LAMB1: variants seen among roughly 807,000 people sequenced by gnomAD.
The protein encoded by LAMB1 is laminin subunit beta-1.
In LAMB1, 121 loss-of-function variants were observed where a neutral mutation model predicts 222.3. The ratio of observed to expected loss-of-function variants is 0.54; its 90% CI spans 0.47 to 0.63. The LOEUF (loss-of-function observed/expected upper bound fraction) is 0.63, where lower values mean the gene tolerates loss of function less well. LAMB1 is among the 30% of genes least tolerant of loss of function. The pLI, the probability that LAMB1 is intolerant of heterozygous loss-of-function variation, is 0.00. For synonymous variants in LAMB1, 794 were observed against 807.2 expected (o/e 0.98, Z 0.28); for missense variants, 2,172 against 2,240.8 (o/e 0.97, Z 0.62).
intron 13 of LAMB1, among the ~76,000 whole-genome samples, chr7:107,970,243 T>C (rs902408146): frequency 2.0e-5 from 3 of 152,190 alleles, no homozygotes; most frequent in Non-Finnish European, 2.9e-5. Flanking sequence ...TCCCAGCACA[T>C]TGGGAGCCTG....
rs539679523 is a variant in LAMB1 at position 108,002,990 on chromosome 7, G to A, written c.-86-19C>T. The A allele has an allele frequency of 1.9e-6, 3 of 1,565,970 alleles. No individual in the cohort carries two copies. The South Asian group carries it at 3.6e-5, about 19-fold the overall frequency. ...TTCCTTTCTGGAGAGGTGGAAAGGA[G>A]GGGAAAAAAGGCAAATGTTCAAAGA... On this transcript the variant is annotated intron_variant, in intron 1 of 33. Transcript: ENST00000222399.
intron 5 of LAMB1, among the ~76,000 whole-genome samples, chr7:107,991,122 G>C (rs773086192): frequency 6.6e-6 from 1 of 151,736 alleles, no homozygotes; most frequent in African/African-American, 2.4e-5. Context: ...TTTAAGACTG[G>C]CATAAACAAA....
At chr7:107,942,849 A>G (rs903424115) in intron 24 of LAMB1, 4 of 152,226 alleles carry the variant, frequency 2.6e-5, no homozygotes, top group Admixed American at 2.0e-4. Flanking sequence ...GTTTATTTAT[A>G]TGTATTTGCC....
intron 14 of LAMB1, among the ~76,000 whole-genome samples, chr7:107,963,817 C>G (rs147081390): frequency 6.6e-6 from 1 of 152,174 alleles, no homozygotes; most frequent in South Asian, 2.1e-4. Context: ...ATCTCACTAT[C>G]GCCAGGCACA....
At position 107,973,505 on chromosome 7, in the gene LAMB1, G is replaced by A. The variant is rs145743005; in HGVS notation, c.1483-434C>T. On this transcript the variant is annotated intron_variant, in intron 12 of 33. Coordinates refer to ENST00000222399, the MANE Select transcript of LAMB1 (RefSeq NM_002291.3). ...AATTTATGTGGAAATGTAGCATACA[G>A]CTACGACTATTCTCACCACTGAGCC... is the stretch of plus-strand genomic sequence containing the variant. Among the ~76,000 whole-genome samples, 35 of 152,246 alleles carry A rather than the reference G, an allele frequency of 2.3e-4. No homozygotes were observed. The East Asian group carries it at 6.6e-3, about 29-fold the overall frequency.
intron 10 of LAMB1, 134 bp downstream of exon 10, chr7:107,975,555 A>G: frequency 8.2e-7 from 1 of 1,224,868 alleles, no homozygotes; most frequent in South Asian, 1.5e-5. Flanking sequence ...TTCCACTCCC[A>G]GCGTCTTCAA....
chr7:107,939,966 C>T (rs532547911), intron 25 of LAMB1, 23 bp downstream of exon 25: 1 of 1,602,854 alleles, frequency 6.2e-7, no homozygotes, highest in South Asian at 1.1e-5. Context: ...ATGAGTAATT[C>T]CTCTGGCTCA....
At chr7:107,989,865 C>T (rs956568388) in intron 5 of LAMB1, among the ~76,000 whole-genome samples, 1 of 152,170 alleles carries the variant, frequency 6.6e-6, no homozygotes, top group Non-Finnish European at 1.5e-5. Flanking sequence ...CATCCAATTT[C>T]CCGTGGAGTT....
intron 7 of LAMB1, among the ~76,000 whole-genome samples, chr7:107,983,547 CTTTTTT>C (rs11458116): frequency 2.7e-5 from 3 of 111,142 alleles, no homozygotes; most frequent in South Asian, 3.1e-4. Context: ...CTCCAAAGCC[CTTTTTT>C]TTTTTTTTTT....
intron 5 of LAMB1, 118 bp from the exon 6 acceptor site, chr7:107,986,481 G>C: frequency 1.3e-6 from 1 of 758,966 alleles, no homozygotes; most frequent in Non-Finnish European, 2.1e-6. Flanking sequence ...CATATGGTTT[G>C]TATTTCAGAC....
chr7:107,940,516 C>G, intron 24 of LAMB1, 158 bp from the exon 25 acceptor site: 3 of 688,628 alleles, frequency 4.4e-6, no homozygotes, highest in Non-Finnish European at 4.8e-6. Context: ...GCAGCTTCCT[C>G]TAGCACATGC....
intron 9 of LAMB1, 102 bp downstream of exon 9, chr7:107,977,945 T>C (rs530495610): frequency 1.2e-5 from 16 of 1,367,168 alleles, no homozygotes; most frequent in Non-Finnish European, 1.0e-5. Context: ...GACAGTAACT[T>C]TTCTACCCTC....
chr7:107,927,240 A>G (rs1386121347), intron 31 of LAMB1, among the ~76,000 whole-genome samples: 6 of 152,240 alleles, frequency 3.9e-5, no homozygotes, highest in African/African-American at 1.4e-4. Flanking sequence ...TATAATTCTT[A>G]GAAGATAAAG....
rs1007895417 is a variant in LAMB1, at chr7:107,985,441, A to T, written c.676+581T>A. 2.6e-5 allele frequency among the ~76,000 whole-genome samples: 4 copies of T among 151,768 alleles called. 1 individual carries two copies. The highest frequency in any genetic ancestry group is 6.6e-5 in the Admixed American group (1 of 15,244). ...GAGTTCGAGACCCAGCCTGGCCAAC[A>T]TGGTGAAAACCCGTCTCTACTAAAA... is the stretch of plus-strand genomic sequence containing the variant. On this transcript the variant is annotated intron_variant, in intron 7 of 33. Transcript: ENST00000222399.
At chr7:107,970,481 T>C (rs2033724455) in intron 13 of LAMB1, among the ~76,000 whole-genome samples, 1 of 92,160 alleles carries the variant, frequency 1.1e-5, no homozygotes, top group African/African-American at 4.9e-5. Context: ...AAAGCGAAAC[T>C]CTGTCTCAAA....
chr7:108,001,923 A>T lies in LAMB1; in HGVS notation c.38-190T>A, dbSNP rs2034395739. ...CTGGGAAGGCAGGGACTCCGAAAGG[A>T]GAAGGACACGGAAAGAAACCCACAC... is the stretch of plus-strand genomic sequence containing the variant. On this transcript the variant is annotated intron_variant, in intron 2 of 33. Transcript: ENST00000222399. 5 of 1,459,238 alleles carry T rather than the reference A, an allele frequency of 3.4e-6. No individual in the cohort carries two copies. In the South Asian group the frequency reaches 4.3e-5, roughly 13 times the overall value. 90.4% of individuals were successfully genotyped at this position (1,459,238 alleles called of 1,614,324 possible).
rs755817510 is a variant in LAMB1 at position 107,964,585 on chromosome 7, G to C, written c.1665C>G (p.Tyr555Ter). ...AGTTGGCTTCCTCCGCTTCATAGAGGTAGTGATCCAGGGTGGCAAAGTAGT... is the reference window on the plus strand; with the variant it reads ...AGTTGGCTTCCTCCGCTTCATAGAGCTAGTGATCCAGGGTGGCAAAGTAGT... ...PGYYFATLDH[Y>*]LYEAEEANLG... The change falls in exon 14 of 34, where the codon TAC becomes TAG. Residue 555 changes from tyrosine (Y) to a stop codon, truncating the protein, a stop_gained. Transcript: ENST00000222399. LOFTEE classifies it high-confidence loss of function. 1 of 1,614,166 alleles carries C rather than the reference G, an allele frequency of 6.2e-7. No homozygotes were observed. The highest frequency in any genetic ancestry group is 8.5e-7 in the Non-Finnish European group (1 of 1,180,026).
intron 26 of LAMB1, chr7:107,936,162 T>TA (rs2032841642): frequency 6.5e-6 from 1 of 153,440 alleles, no homozygotes; most frequent in African/African-American, 2.4e-5. Flanking sequence ...CAATAAAGTA[T>TA]AACAACTATT....
At chr7:107,974,755 G>A (rs1463769880) in intron 12 of LAMB1, among the ~76,000 whole-genome samples, 1 of 152,142 alleles carries the variant, frequency 6.6e-6, no homozygotes, top group African/African-American at 2.4e-5. Flanking sequence ...TGTGTTAATT[G>A]TGTCTATAAA....
Sources: gnomAD v4.1 joint callset for allele counts (sites outside exome capture counted in the v4.1 genomes callset) on GRCh38, gnomAD v4.1.1 for gene constraint, MANE v1.5 for transcripts, NCBI Gene and HGNC (gene_info 2026-07-23, HGNC 2026-07-21) for gene names.